Variants in CUBN observed in about 807,000 individuals in gnomAD.
CUBN encodes the protein cubilin.
Under a neutral mutation model 405.3 loss-of-function variants are expected in CUBN, and 282 were observed. The ratio of observed to expected loss-of-function variants is 0.70; its 90% confidence interval spans 0.63 to 0.77. The LOEUF is 0.77. Ranked by LOEUF, CUBN falls within the 30% of genes least tolerant of loss-of-function variation. CUBN has a pLI of 0.00. For missense variants in CUBN, 4,514 were observed against 4,475.2 expected, an observed-to-expected ratio of 1.01 and a Z score of -0.25; for synonymous variants, 1,684 against 1,617.0, an observed-to-expected ratio of 1.04 and a Z score of -0.99.
intron 22 of CUBN, among the ~76,000 whole-genome samples, chr10:17,061,271 C>T (rs749578663): frequency 1.3e-5 from 2 of 152,140 alleles, no homozygotes; most frequent in African/African-American, 2.4e-5. Context: ...AATTCACATG[C>T]TAAGGCTTGA....
chr10:17,055,985 G>C (rs1378958993), intron 22 of CUBN, among the ~76,000 whole-genome samples: 1 of 152,020 alleles, frequency 6.6e-6, no homozygotes, highest in Non-Finnish European at 1.5e-5. Context: ...TACCAATCTA[G>C]AGGTTTTATA....
chr10:17,073,739 C>A (rs542315885), intron 17 of CUBN, among the ~76,000 whole-genome samples: 1 of 152,272 alleles, frequency 6.6e-6, no homozygotes, highest in South Asian at 2.1e-4. Context: ...AGCCACTGCG[C>A]CCGGCCAAAT....
intron 4 of CUBN, among the ~76,000 whole-genome samples, chr10:17,126,040 T>C (rs1170078441): frequency 1.3e-5 from 2 of 152,142 alleles, no homozygotes; most frequent in Non-Finnish European, 2.9e-5. Flanking sequence ...GTGGGACAGA[T>C]CAAACTTAAA....
In CUBN at chr10:16,825,066, G is replaced by T; in HGVS notation, c.10781C>A (p.Pro3594His). The change falls in exon 67 of 67, where the codon CCC becomes CAC. Residue 3594 changes from proline (P) to histidine (H), a missense_variant. By Grantham distance (77) the Pro-to-His change is moderately conservative (BLOSUM62 -2). Around this residue, in one of 5 missense-constraint regions of CUBN, gnomAD observed 1,186 missense variants for 1,186.9 expected, o/e 1.00. Coordinates refer to ENST00000377833, the MANE Select transcript of CUBN (RefSeq NM_001081.4). ...GACCTGATTTGAGGAAGCCACGAAG[G>T]GAGCTATGCTGGTGTCCTAAAATTG... ...PYCGGDTSIA[P>H]FVASSNQVFI... 6.2e-7 allele frequency: 1 copy of T among 1,613,006 alleles called. No individual in the cohort carries two copies. The highest frequency in any genetic ancestry group is 2.2e-5 in the East Asian group (1 of 44,858).
At chr10:17,048,157 G>A (rs756796141) in intron 22 of CUBN, among the ~76,000 whole-genome samples, 1 of 152,194 alleles carries the variant, frequency 6.6e-6, no homozygotes, top group South Asian at 2.1e-4. Flanking sequence ...CTCACATCTC[G>A]CAAATGAAGA....
At chr10:17,117,165 T>C (rs12779457) in intron 6 of CUBN, among the ~76,000 whole-genome samples, 43,430 of 151,712 alleles carry the variant, frequency 0.29, 7,751 homozygotes, top group East Asian at 0.49. Flanking sequence ...CTCTCTACTT[T>C]CCTTCTCATA....
At chr10:16,982,840 G>A (rs937462359) in intron 30 of CUBN, among the ~76,000 whole-genome samples, 187 bp from the exon 31 acceptor site, 8 of 152,116 alleles carry the variant, frequency 5.3e-5, no homozygotes, top group Non-Finnish European at 8.8e-5. Flanking sequence ...TGACATGGAT[G>A]ATACTAAGAA....
In CUBN at chr10:17,019,970, G is replaced by C. The variant is rs370958622; in HGVS notation, c.4031C>G (p.Pro1344Arg). 1.4e-4 allele frequency: 218 copies of C among 1,613,910 alleles called. No individual in the cohort carries two copies. The highest frequency in any genetic ancestry group is 1.7e-4 in the Non-Finnish European group (204 of 1,179,968). Residue 1344 changes from proline to arginine, a missense_variant, in exon 28 of 67, where the codon CCA becomes CGA. Transcript: ENST00000377833. Reference protein sequence around the residue: ...STDYLELYDGPRQMGRYCGVD... With the variant: ...STDYLELYDGRRQMGRYCGVD... ...TCCACAGTAGCGTCCCATCTGCCGT[G>C]GTCCATCATAGAGCTGAAATTGAAG...
chr10:17,006,701 C>T (rs1225109871), intron 28 of CUBN, among the ~76,000 whole-genome samples: 1 of 152,134 alleles, frequency 6.6e-6, no homozygotes, highest in Admixed American at 6.5e-5. Flanking sequence ...CTCATGCCCA[C>T]AGGTAGTCAA....
chr10:16,990,259 C>T (rs557526532), intron 29 of CUBN, 75 bp downstream of exon 29: 17 of 1,383,496 alleles, frequency 1.2e-5, no homozygotes, highest in African/African-American at 9.9e-5. Flanking sequence ...GGAAAGAATT[C>T]GGAATCTTGG....
chr10:17,027,368 G>A (rs1472715906), intron 27 of CUBN, among the ~76,000 whole-genome samples: 1 of 152,048 alleles, frequency 6.6e-6, no homozygotes, highest in Non-Finnish European at 1.5e-5. Flanking sequence ...ACAAGCTATT[G>A]TTAGGTGAAA....
rs1396791228 is a variant in CUBN, at chr10:16,982,559, A to C, written c.4620T>G (p.Ile1540Met). Residue 1540 changes from isoleucine to methionine, a missense_variant, in exon 31 of 67, where the codon ATT becomes ATG. Ile to Met is a conservative substitution (Grantham distance 10, BLOSUM62 1). Around this residue, in one of 5 missense-constraint regions of CUBN, gnomAD observed 1,613 missense variants for 1,542.8 expected, o/e 1.05. Coordinates refer to ENST00000377833, the MANE Select transcript of CUBN (RefSeq NM_001081.4). ...YRSNTDCSWVIRVDRNHRVLL... is the reference protein window; with the variant it reads ...YRSNTDCSWVMRVDRNHRVLL... ...GAACACGATGATTTCTGTCAACCCGAATGACCCAAGAACAGTCTGTGTTGC... is the reference window on the plus strand; with the variant it reads ...GAACACGATGATTTCTGTCAACCCGCATGACCCAAGAACAGTCTGTGTTGC... 6.2e-7 allele frequency: 1 copy of C among 1,613,766 alleles called. No homozygotes were observed. The highest frequency in any genetic ancestry group is 1.3e-5 in the African/African-American group (1 of 74,924).
intron 48 of CUBN, among the ~76,000 whole-genome samples, chr10:16,912,374 G>A (rs1841757855): frequency 6.6e-6 from 1 of 152,198 alleles, no homozygotes; most frequent in Non-Finnish European, 1.5e-5. Flanking sequence ...TACAGGCACT[G>A]GGGATTCAGT....
intron 55 of CUBN, among the ~76,000 whole-genome samples, chr10:16,889,913 G>A (rs1403407951): frequency 8.4e-6 from 1 of 118,844 alleles, no homozygotes; most frequent in Non-Finnish European, 1.5e-5. Context: ...CTCCAGCCTG[G>A]CGACAGAGTG....
intron 22 of CUBN, among the ~76,000 whole-genome samples, chr10:17,061,269 T>C (rs1835500025): frequency 6.6e-6 from 1 of 152,178 alleles, no homozygotes; most frequent in African/African-American, 2.4e-5. Flanking sequence ...GCAATTCACA[T>C]GCTAAGGCTT....
Position 16,938,902 on chromosome 10 carries a change from T to G in CUBN, c.5733+61A>C, listed in dbSNP as rs112676531. 433 of 1,434,882 alleles carry G rather than the reference T, an allele frequency of 3.0e-4. 5 individuals carry two copies. In the African/African-American group the frequency reaches 4.4e-3, roughly 15 times the overall value. 88.9% of individuals were successfully genotyped at this position (1,434,882 alleles called of 1,614,324 possible). ...TGCTTGAATAGACGTTACCTTGGAT[T>G]TATTTTTACCAATAGCAATTCACCA... On this transcript the variant is annotated intron_variant, in intron 38 of 66. Transcript: ENST00000377833.
intron 35 of CUBN, among the ~76,000 whole-genome samples, 155 bp from the exon 36 acceptor site, chr10:16,947,522 G>A (rs1842819888): frequency 6.6e-6 from 1 of 152,158 alleles, no homozygotes; most frequent in South Asian, 2.1e-4. Flanking sequence ...ATAAAATAAG[G>A]GAACAATTCT....
chr10:17,070,437 T>A (rs541093849), intron 19 of CUBN, among the ~76,000 whole-genome samples: 1 of 152,332 alleles, frequency 6.6e-6, no homozygotes, highest in South Asian at 2.1e-4. Flanking sequence ...TTGAATTGAA[T>A]CTTTAGCTCA....
At chr10:16,987,747 A>G (rs1833467187) in intron 29 of CUBN, among the ~76,000 whole-genome samples, 3 of 152,190 alleles carry the variant, frequency 2.0e-5, no homozygotes, top group African/African-American at 7.2e-5. Context: ...GGAGGGGTGA[A>G]AAAAACCATT....
Sources: allele counts gnomAD v4.1 joint callset (sites outside exome capture counted in the v4.1 genomes callset), GRCh38; gene constraint gnomAD v4.1.1; regional missense constraint gnomAD v4.1.1; transcripts MANE v1.5; gene names NCBI Gene and HGNC (gene_info 2026-07-23, HGNC 2026-07-21).